TUSC3: variants seen among roughly 807,000 people sequenced by gnomAD.
TUSC3 encodes dolichyl-diphosphooligosaccharide--protein glycosyltransferase subunit TUSC3.
A neutral mutation model predicts 44.8 loss-of-function variants in TUSC3; 45 were observed. The ratio of observed to expected loss-of-function variants is 1.00; its 90% confidence interval spans 0.79 to 1.29. TUSC3 has a LOEUF of 1.29. TUSC3 is among the 50% of genes most tolerant of loss of function. The probability of loss-of-function intolerance (pLI) is 0.00; values close to 1 mark genes in which losing one functional copy is unlikely to be tolerated. For synonymous variants in TUSC3, 212 were observed against 152.9 expected (o/e 1.39, Z -2.85); for missense variants, 519 against 437.9 (o/e 1.19, Z -1.65).
intron 2 of TUSC3, among the ~76,000 whole-genome samples, chr8:15,512,779 C>CAAT (rs1563270769): frequency 6.8e-6 from 1 of 146,220 alleles, no homozygotes; most frequent in African/African-American, 2.6e-5. Flanking sequence ...TTTCAGTCAA[C>CAAT]CAATCAATCA....
At chr8:15,577,485 T>C (rs1270314374) in intron 1 of TUSC3, among the ~76,000 whole-genome samples, 5 of 151,348 alleles carry the variant, frequency 3.3e-5, no homozygotes, top group Non-Finnish European at 7.4e-5. Flanking sequence ...TGAATTGTTT[T>C]TTGTATAAGG....
At chr8:15,808,412 C>T in the TUSC3 span, among the ~76,000 whole-genome samples, 1 of 152,098 alleles carries the variant, frequency 6.6e-6, no homozygotes, top group African/African-American at 2.4e-5. Flanking sequence ...TATTCCTTTG[C>T]ATTTTATTAC....
chr8:15,545,294 G>C (rs1281090195), intron 1 of TUSC3, among the ~76,000 whole-genome samples: 1 of 151,562 alleles, frequency 6.6e-6, no homozygotes, highest in African/African-American at 2.4e-5. Flanking sequence ...TTCACATTGA[G>C]CAACATGAGG....
At chr8:15,556,562 C>T (rs1802273905) in intron 1 of TUSC3, among the ~76,000 whole-genome samples, 1 of 148,726 alleles carries the variant, frequency 6.7e-6, no homozygotes, top group Non-Finnish European at 1.5e-5. Context: ...AGTTCTAGAT[C>T]CCTGAGGAAT....
intron 7 of TUSC3, among the ~76,000 whole-genome samples, chr8:15,738,827 C>CTTTTTTTTTTCTTTTTTTTTTTTT (rs1373248681): frequency 2.3e-5 from 2 of 87,172 alleles, no homozygotes; most frequent in Admixed American, 3.1e-4. Flanking sequence ...ATATATCTTG[C>CTTTTTTTTTTCTTTTTTTTTTTTT]TTTTTTTTTT....
At chr8:15,757,919 A>T (rs1294294067) in intron 10 of TUSC3, 64 bp downstream of exon 10, 1 of 1,476,416 alleles carries the variant, frequency 6.8e-7, no homozygotes, top group African/African-American at 1.4e-5. Flanking sequence ...AGAGTATAAC[A>T]TTTATCTCAT....
At chr8:15,743,715 G>C in intron 8 of TUSC3, 103 bp downstream of exon 8, 1 of 1,249,842 alleles carries the variant, frequency 8.0e-7, no homozygotes, top group Non-Finnish European at 1.2e-6. Context: ...AACTTCTAAA[G>C]AAATGTTCTG....
chr8:15,682,608 TGTGTC>T (rs1296395630), intron 6 of TUSC3, among the ~76,000 whole-genome samples: 1 of 152,166 alleles, frequency 6.6e-6, no homozygotes, highest in African/African-American at 2.4e-5. Flanking sequence ...TTTTCCCCTG[TGTGTC>T]TATTAAGTGG....
chr8:15,479,694 A>G (rs1045041681), intron 1 of TUSC3, among the ~76,000 whole-genome samples: 1 of 152,194 alleles, frequency 6.6e-6, no homozygotes, highest in Non-Finnish European at 1.5e-5. Context: ...ACCTTGTAGT[A>G]TAATTTGAAG....
At chr8:15,840,041 G>T in the TUSC3 span, among the ~76,000 whole-genome samples, 1 of 152,158 alleles carries the variant, frequency 6.6e-6, no homozygotes, top group Non-Finnish European at 1.5e-5. Flanking sequence ...GGAATACTAT[G>T]CAGCCATAAA....
chr8:15,431,987 G>A (rs1295317179), intron 1 of TUSC3, among the ~76,000 whole-genome samples: 1 of 151,624 alleles, frequency 6.6e-6, no homozygotes, highest in African/African-American at 2.4e-5. Flanking sequence ...ATTGTGGCGT[G>A]TGATTCTTTT....
chr8:15,655,086 A>G (rs1372359861), intron 3 of TUSC3, among the ~76,000 whole-genome samples: 1 of 152,162 alleles, frequency 6.6e-6, no homozygotes, highest in Non-Finnish European at 1.5e-5. Context: ...AGGGCAGGAG[A>G]GGGTCCCTCA....
chr8:15,417,763 C>A (rs1371460304), intron 1 of TUSC3, among the ~76,000 whole-genome samples: 1 of 152,172 alleles, frequency 6.6e-6, no homozygotes, highest in Non-Finnish European at 1.5e-5. Flanking sequence ...GGCTAGCCAG[C>A]TGTAATCATT....
chr8:15,572,497 C>CT (rs1286429728), intron 1 of TUSC3, among the ~76,000 whole-genome samples: 1 of 152,144 alleles, frequency 6.6e-6, no homozygotes, highest in African/African-American at 2.4e-5. Context: ...GGCTGTTTTG[C>CT]TTTCTTACCA....
chr8:15,422,976 T>G (rs972266189), intron 1 of TUSC3, among the ~76,000 whole-genome samples: 1 of 152,180 alleles, frequency 6.6e-6, no homozygotes, highest in South Asian at 2.1e-4. Flanking sequence ...TATGCCACAG[T>G]GTATTTATAT....
Position 15,499,013 on chromosome 8 carries a change from C to CT in TUSC3, n.189+15539dup, listed in dbSNP as rs199873385. Among the ~76,000 whole-genome samples, 596 of 151,208 alleles carry CT rather than the reference C, an allele frequency of 3.9e-3. 4 individuals carry two copies. Among genetic ancestry groups the CT allele is most frequent in the African/African-American group, 0.013 (556 of 41,210 alleles). ...CCTGAGAGTAGGTAGTTATTTTTTT[C>CT]TTTTTTTTTCTCCTGTGGGTTCCAA... On this transcript the variant is annotated intron_variant and non_coding_transcript_variant, in intron 2 of 5. Transcript: ENST00000503191.
At chr8:15,691,777 GTT>G (rs1351111275) in intron 6 of TUSC3, among the ~76,000 whole-genome samples, 1 of 126,606 alleles carries the variant, frequency 7.9e-6, no homozygotes, top group Non-Finnish European at 1.7e-5. Context: ...GGTGGTTTTT[GTT>G]TTTGTTTGGT....
the TUSC3 span, among the ~76,000 whole-genome samples, chr8:15,804,762 T>G: frequency 6.6e-6 from 1 of 152,308 alleles, no homozygotes; most frequent in Non-Finnish European, 1.5e-5. Context: ...TTGTGATGCC[T>G]CCTCCAACTT....
At chr8:15,428,432 G>A (rs1413508573) in intron 1 of TUSC3, among the ~76,000 whole-genome samples, 2 of 151,488 alleles carry the variant, frequency 1.3e-5, no homozygotes, top group South Asian at 2.1e-4. Context: ...ATAAACATAC[G>A]TGTGCATGTG....
Sources: allele counts gnomAD v4.1 joint callset (sites outside exome capture counted in the v4.1 genomes callset), GRCh38; gene constraint gnomAD v4.1.1; transcripts MANE v1.5; gene names NCBI Gene and HGNC (gene_info 2026-07-23, HGNC 2026-07-21).